The following THOC5 variants were observed in gnomAD, a reference collection of about 807,000 sequenced individuals.
The protein encoded by THOC5 is THO complex subunit 5.
Under a neutral mutation model 92.9 loss-of-function variants are expected in THOC5, and 43 were observed. That is an observed-to-expected ratio of 0.46 (90% CI 0.36 to 0.60). THOC5 has a LOEUF of 0.60. THOC5 is among the 20% of genes least tolerant of loss of function. The pLI is 0.00. For missense variants in THOC5, 659 were observed against 849.4 expected (o/e 0.78, Z 2.79); for synonymous variants, 296 against 320.1 (o/e 0.92, Z 0.80).
At position 29,539,336 on chromosome 22, in the gene THOC5, C is replaced by T. The variant is rs780373178; in HGVS notation, c.593G>A (p.Arg198Gln). Reference protein sequence around the residue: ...LARLDWELEQRKRLAEKYREC... With the variant: ...LARLDWELEQQKRLAEKYREC... ...AGGAAGGAGGAAATGCTACCTTTTC[C>T]GCTGCTCCAGCTCCCAGTCCAGACG... The change falls in exon 6 of 20, where the codon CGG (arginine) becomes CAG (glutamine). Residue 198 changes from arginine (R) to glutamine (Q), a missense_variant. Coordinates refer to ENST00000490103, the MANE Select transcript of THOC5 (RefSeq NM_003678.5). 13 of 1,613,394 alleles carry T rather than the reference C, an allele frequency of 8.1e-6. No individual in the cohort carries two copies. The highest frequency in any genetic ancestry group is 2.2e-5 in the East Asian group (1 of 44,876).
intron 2 of THOC5, among the ~76,000 whole-genome samples, chr22:29,546,077 C>T (rs1215063093): frequency 6.6e-6 from 1 of 152,234 alleles, no homozygotes; most frequent in Non-Finnish European, 1.5e-5. Context: ...AGGCTTAACA[C>T]CACTTGGAAG....
At chr22:29,517,897 T>C (rs2063364171) in intron 15 of THOC5, among the ~76,000 whole-genome samples, 2 of 152,128 alleles carry the variant, frequency 1.3e-5, no homozygotes, top group African/African-American at 4.8e-5. Context: ...GCAGTGCTGA[T>C]GGGGAGCACG....
At chr22:29,547,727 T>G (rs755509228) in intron 2 of THOC5, among the ~76,000 whole-genome samples, 1 of 152,180 alleles carries the variant, frequency 6.6e-6, no homozygotes, top group Non-Finnish European at 1.5e-5. Context: ...TTTCCCACAT[T>G]TTCCTGTCTT....
In THOC5 at chr22:29,505,907, G is replaced by C. The variant is rs1242258721; in HGVS notation, c.*2550C>G. 1 of 150,490 alleles carries C rather than the reference G, an allele frequency of 6.6e-6. No individual in the cohort carries two copies. The highest frequency in any genetic ancestry group is 6.6e-5 in the Admixed American group (1 of 15,050). 9.3% of individuals were successfully genotyped at this position (150,490 alleles called of 1,614,324 possible). A position where few individuals can be genotyped will look rare whatever the true frequency, so the allele number is the denominator to read the frequency against. Reference sequence around the variant, plus strand: ...AGACGGAGTCTTGCTCTGTTGTCCAGATGGTGCAGTGGCACCATCTCGGCT... The same window carrying C: ...AGACGGAGTCTTGCTCTGTTGTCCACATGGTGCAGTGGCACCATCTCGGCT... On this transcript the variant is annotated 3_prime_UTR_variant, in exon 20 of 20. Coordinates refer to ENST00000490103, the MANE Select transcript of THOC5 (RefSeq NM_003678.5).
At chr22:29,537,940 T>G (rs1175138374) in intron 6 of THOC5, among the ~76,000 whole-genome samples, 1 of 152,172 alleles carries the variant, frequency 6.6e-6, no homozygotes, top group South Asian at 2.1e-4. Flanking sequence ...ACCTCTTTAT[T>G]CATATAGAAA....
At chr22:29,536,500 C>G (rs1337651753) in intron 7 of THOC5, 124 bp downstream of exon 7, 1 of 630,444 alleles carries the variant, frequency 1.6e-6, no homozygotes, top group African/African-American at 1.8e-5. Context: ...GGGATGCAGA[C>G]AAGGCCATCC....
Position 29,528,441 on chromosome 22 carries a change from C to T in THOC5, c.951G>A (p.Glu317=), listed in dbSNP as rs2063587342. ...TGGTTCTCACCGTAGTCTGCTCCTC[C>T]TCGGCATCTGAGTCACTCTCGTCAT... The part of the protein sequence containing the change: ...SQDDESDSDA[E]EEQTTKRRRP... The change falls in exon 10 of 20, where the codon GAG becomes GAA. Residue 317 remains glutamate (E), a synonymous_variant. Transcript: ENST00000490103. 1 of 1,613,684 alleles carries T rather than the reference C, an allele frequency of 6.2e-7. No homozygotes were observed. Among genetic ancestry groups the T allele is most frequent in the Non-Finnish European group, 8.5e-7 (1 of 1,180,034 alleles).
intron 19 of THOC5, among the ~76,000 whole-genome samples, chr22:29,509,451 T>C (rs1270791429): frequency 6.6e-6 from 1 of 152,122 alleles, no homozygotes; most frequent in Non-Finnish European, 1.5e-5. Flanking sequence ...GAGCAAGTCC[T>C]AGAAGGTGCC....
intron 9 of THOC5, 59 bp downstream of exon 9, chr22:29,529,103 G>A (rs1259973502): frequency 1.3e-6 from 2 of 1,545,538 alleles, no homozygotes; most frequent in Non-Finnish European, 1.8e-6. Flanking sequence ...CAAAGACCAG[G>A]ACTGCCCTTG....
chr22:29,552,118 G>C (rs1367415056), intron 1 of THOC5, among the ~76,000 whole-genome samples: 2 of 151,342 alleles, frequency 1.3e-5, no homozygotes, highest in Non-Finnish European at 3.0e-5. Flanking sequence ...GTGCAGTGGC[G>C]TGATCTCGGC....
intron 4 of THOC5, among the ~76,000 whole-genome samples, chr22:29,543,208 G>A (rs963824883): frequency 4.0e-5 from 6 of 151,812 alleles, no homozygotes; most frequent in Non-Finnish European, 7.4e-5. Context: ...AGCCAGGCAT[G>A]GTGGTGGGAG....
intron 6 of THOC5, 93 bp downstream of exon 6, chr22:29,539,237 C>T: frequency 7.5e-7 from 1 of 1,336,256 alleles, no homozygotes. Context: ...AGAAACTATT[C>T]TGAGAGTTGC....
intron 2 of THOC5, among the ~76,000 whole-genome samples, 179 bp from the exon 3 acceptor site, chr22:29,544,782 CTT>C (rs1381865933): frequency 2.0e-5 from 3 of 152,168 alleles, no homozygotes; most frequent in African/African-American, 7.2e-5. Context: ...ATAGAAACCT[CTT>C]TTGCTTTCTG....
chr22:29,532,638 C>G (rs2063678973), intron 7 of THOC5, among the ~76,000 whole-genome samples: 1 of 151,924 alleles, frequency 6.6e-6, no homozygotes, highest in Non-Finnish European at 1.5e-5. Context: ...GCACTCCAGC[C>G]TGGGCAACAA....
intron 1 of THOC5, among the ~76,000 whole-genome samples, chr22:29,552,319 C>CAT (rs2064172182): frequency 6.6e-6 from 1 of 151,676 alleles, no homozygotes; most frequent in African/African-American, 2.4e-5. Flanking sequence ...TTCCCGGACC[C>CAT]CATCCCGTCT....
At chr22:29,530,517 C>T (rs1037126376) in intron 8 of THOC5, among the ~76,000 whole-genome samples, 7 of 151,510 alleles carry the variant, frequency 4.6e-5, no homozygotes, top group Non-Finnish European at 8.8e-5. Flanking sequence ...CAGACTCCAT[C>T]TCAAAAAAAA....
At chr22:29,551,342 G>A (rs1206357350) in intron 1 of THOC5, among the ~76,000 whole-genome samples, 1 of 152,140 alleles carries the variant, frequency 6.6e-6, no homozygotes, top group Non-Finnish European at 1.5e-5. Flanking sequence ...GCTGAGGTAG[G>A]AGAATCACTT....
At chr22:29,526,953 A>C (rs929330714) in intron 11 of THOC5, among the ~76,000 whole-genome samples, 6 of 152,238 alleles carry the variant, frequency 3.9e-5, no homozygotes, top group African/African-American at 1.4e-4. Flanking sequence ...TAATTAAAAA[A>C]GGAAGAAACT....
At chr22:29,524,810 G>T (rs1462701654) in intron 12 of THOC5, among the ~76,000 whole-genome samples, 1 of 152,208 alleles carries the variant, frequency 6.6e-6, no homozygotes. Flanking sequence ...ACTGGCAGGG[G>T]TGGAAAGAGC....
Sources: gnomAD v4.1 joint callset for allele counts (sites outside exome capture counted in the v4.1 genomes callset) on GRCh38, gnomAD v4.1.1 for gene constraint, MANE v1.5 for transcripts, NCBI Gene and HGNC (gene_info 2026-07-23, HGNC 2026-07-21) for gene names.